The following OPCML variants were observed in gnomAD, a reference collection of about 807,000 sequenced individuals.
OPCML encodes opioid binding protein/cell adhesion molecule like.
Under a neutral mutation model 37.8 loss-of-function variants are expected in OPCML, and 13 were observed. That is an observed-to-expected ratio of 0.34 (90% CI 0.22 to 0.55). OPCML has a LOEUF of 0.55. Among genes scored for constraint, OPCML ranks in the 20% least tolerant of loss-of-function variants. The pLI, the probability that OPCML is intolerant of heterozygous loss-of-function variation, is 0.91. For missense variants in OPCML, 341 were observed against 435.6 expected, an observed-to-expected ratio of 0.78 and a Z score of 1.93; for synonymous variants, 176 against 168.8, an observed-to-expected ratio of 1.04 and a Z score of -0.33.
chr11:132,703,880 T>C (rs546043029), intron 2 of OPCML, among the ~76,000 whole-genome samples: 2 of 152,288 alleles, frequency 1.3e-5, no homozygotes, highest in Admixed American at 6.5e-5. Context: ...GAGGCAGGCC[T>C]GGCATCTGGA....
intron 3 of OPCML, among the ~76,000 whole-genome samples, chr11:132,543,845 A>T (rs1467756698): frequency 3.3e-5 from 5 of 152,214 alleles, no homozygotes; most frequent in Non-Finnish European, 5.9e-5. Flanking sequence ...TGAAGAAGTC[A>T]GCAATTAGCT....
At chr11:132,625,411 C>T (rs558829386) in intron 3 of OPCML, among the ~76,000 whole-genome samples, 3 of 152,218 alleles carry the variant, frequency 2.0e-5, no homozygotes, top group African/African-American at 7.2e-5. Flanking sequence ...TTTCTTCCTC[C>T]CTCTGTCAGC....
intron 2 of OPCML, among the ~76,000 whole-genome samples, chr11:132,749,837 CCTA>C (rs1945770795): frequency 6.6e-6 from 1 of 152,058 alleles, no homozygotes; most frequent in Non-Finnish European, 1.5e-5. Context: ...GATAGTGAAA[CCTA>C]CTTTAACCAT....
At chr11:132,777,861 T>C (rs1396311376) in intron 2 of OPCML, among the ~76,000 whole-genome samples, 1 of 152,180 alleles carries the variant, frequency 6.6e-6, no homozygotes, top group African/African-American at 2.4e-5. Flanking sequence ...GCTAGCTTAG[T>C]TCTTTCATTC....
chr11:133,226,785 G>A (rs1940056718), intron 1 of OPCML, among the ~76,000 whole-genome samples: 1 of 152,080 alleles, frequency 6.6e-6, no homozygotes, highest in African/African-American at 2.4e-5. Context: ...GGGGAGAGGA[G>A]GAGGAGCTGG....
At chr11:132,528,119 T>A (rs1940020) in intron 4 of OPCML, among the ~76,000 whole-genome samples, 60,642 of 152,056 alleles carry the variant, frequency 0.4, 14,648 homozygotes, top group Non-Finnish European at 0.55. Flanking sequence ...CAGTTTTGAG[T>A]ATTTCAGTAT....
intron 1 of OPCML, chr11:133,299,411 A>G (rs1942725015): frequency 6.6e-6 from 1 of 152,266 alleles, no homozygotes; most frequent in South Asian, 2.1e-4. Context: ...AAAGCAGCTT[A>G]TGAACATCAC....
intron 2 of OPCML, among the ~76,000 whole-genome samples, chr11:132,679,092 T>G (rs1236131934): frequency 6.6e-6 from 1 of 152,172 alleles, no homozygotes; most frequent in East Asian, 1.9e-4. Context: ...AAGAAAATAT[T>G]AATGAAATAA....
chr11:133,199,537 C>G lies in OPCML; in HGVS notation c.62-256527G>C, dbSNP rs536636408. 2.6e-5 allele frequency among the ~76,000 whole-genome samples: 4 copies of G among 152,244 alleles called. No homozygotes were observed. The South Asian group carries it at 8.3e-4, about 32-fold the overall frequency. ...TGAGCTAAACAAGTCAACCCTCTATCTTGCAAAAGGACTGAGGGGAGGGGA... is the reference window on the plus strand; with the variant it reads ...TGAGCTAAACAAGTCAACCCTCTATGTTGCAAAAGGACTGAGGGGAGGGGA... On this transcript the variant is annotated intron_variant, in intron 1 of 7. Transcript: ENST00000524381.
rs1939183303 is a variant in OPCML at position 133,208,071 on chromosome 11, C to T, written c.62-265061G>A. 6.6e-6 allele frequency among the ~76,000 whole-genome samples: 1 copy of T among 152,084 alleles called. No individual in the cohort carries two copies. Among genetic ancestry groups the T allele is most frequent in the South Asian group, 2.1e-4 (1 of 4,826 alleles). On this transcript the variant is annotated intron_variant, in intron 1 of 7. Coordinates refer to ENST00000524381, the MANE Select transcript of OPCML (RefSeq NM_001012393.5). The surrounding 1 kb of genome is among the most constrained non-coding windows in gnomAD (Gnocchi z 8.9). ...TTAAGAGCTCCTTACTCTGAGCTCCCATAGCATTATTTTTTTCTCTCTTCA... is the reference window on the plus strand; with the variant it reads ...TTAAGAGCTCCTTACTCTGAGCTCCTATAGCATTATTTTTTTCTCTCTTCA...
At chr11:132,877,992 C>T (rs1204443649) in intron 2 of OPCML, among the ~76,000 whole-genome samples, 1 of 152,142 alleles carries the variant, frequency 6.6e-6, no homozygotes, top group East Asian at 1.9e-4. Flanking sequence ...ACCATCCTGG[C>T]TAACATGGTG....
intron 3 of OPCML, among the ~76,000 whole-genome samples, chr11:132,540,246 T>C (rs1174265110): frequency 7.9e-5 from 12 of 152,114 alleles, no homozygotes; most frequent in Admixed American, 2.6e-4. Context: ...TTCACACTGT[T>C]CTATTGTTTT....
At chr11:133,338,822 G>A (rs1193173224) in intron 1 of OPCML, among the ~76,000 whole-genome samples, 4 of 152,260 alleles carry the variant, frequency 2.6e-5, no homozygotes, top group South Asian at 4.1e-4. Context: ...GGCCAGCAGT[G>A]TGAGGAATCC....
chr11:132,944,382 C>A (rs1056737891), intron 1 of OPCML, among the ~76,000 whole-genome samples: 1 of 152,190 alleles, frequency 6.6e-6, no homozygotes, highest in East Asian at 1.9e-4. Flanking sequence ...GCGCTGCGAA[C>A]GGCTCCCCGC....
chr11:133,341,872 C>T (rs963588418), intron 1 of OPCML, among the ~76,000 whole-genome samples: 1 of 151,952 alleles, frequency 6.6e-6, no homozygotes, highest in African/African-American at 2.4e-5. Context: ...GAGCCGAGAT[C>T]GCGCCATTGC....
chr11:132,995,356 T>G (rs1431367390), intron 1 of OPCML, among the ~76,000 whole-genome samples: 1 of 152,100 alleles, frequency 6.6e-6, no homozygotes, highest in Non-Finnish European at 1.5e-5. Context: ...TTAGTAGTCA[T>G]AGAAGGAGTA....
chr11:133,271,160 A>C (rs952662576), intron 1 of OPCML, among the ~76,000 whole-genome samples: 1 of 152,042 alleles, frequency 6.6e-6, no homozygotes, highest in Middle Eastern at 3.2e-3. Flanking sequence ...TAAATTCCCT[A>C]CTCTATAAAA....
intron 2 of OPCML, among the ~76,000 whole-genome samples, chr11:132,699,550 A>G (rs917329055): frequency 1.4e-4 from 22 of 152,214 alleles, no homozygotes; most frequent in African/African-American, 4.8e-5. Flanking sequence ...CAGAGGGTTT[A>G]TCATAAAACA....
intron 2 of OPCML, among the ~76,000 whole-genome samples, chr11:132,788,029 C>T (rs1452754254): frequency 3.3e-5 from 5 of 152,040 alleles, no homozygotes; most frequent in East Asian, 1.9e-4. Flanking sequence ...TACAGGCGCA[C>T]GCCACCATGC....
Sources: allele counts gnomAD v4.1 joint callset (sites outside exome capture counted in the v4.1 genomes callset), GRCh38; gene constraint gnomAD v4.1.1; non-coding constraint Gnocchi (gnomAD v3.1); transcripts MANE v1.5; gene names NCBI Gene and HGNC (gene_info 2026-07-23, HGNC 2026-07-21).